Variants in CARHSP1 observed in about 807,000 individuals in gnomAD.
CARHSP1 encodes the protein calcium regulated heat stable protein 1, also known as calcium-regulated heat-stable protein 1.
In CARHSP1, 14 loss-of-function variants were observed where a neutral mutation model predicts 12.5. That is an observed-to-expected ratio of 1.12 (90% CI 0.74 to 1.75). The LOEUF is 1.75. Ranked by LOEUF, CARHSP1 falls within the 40% of genes most tolerant of loss-of-function variation. The pLI is 0.00. For missense variants in CARHSP1, 343 were observed against 201.6 expected (o/e 1.70, Z -4.25); for synonymous variants, 161 against 82.0 (o/e 1.96, Z -5.20).
intron 1 of CARHSP1, among the ~76,000 whole-genome samples, chr16:8,859,540 C>T (rs1330482730): frequency 1.3e-5 from 2 of 151,932 alleles, no homozygotes; most frequent in Admixed American, 1.3e-4. Flanking sequence ...CCCCCTCGAT[C>T]ATAGCTCTTC....
chr16:8,857,279 T>TTTTTTTTTTTTG (rs2061160165), intron 3 of CARHSP1, among the ~76,000 whole-genome samples: 2 of 119,838 alleles, frequency 1.7e-5, no homozygotes, highest in Non-Finnish European at 3.5e-5. Context: ...TTTTTTTTTT[T>TTTTTTTTTTTTG]TTTTTTTTTT....
chr16:8,866,460 G>A, intron 1 of CARHSP1: 4 of 985,268 alleles, frequency 4.1e-6, no homozygotes, highest in Non-Finnish European at 4.8e-6. Context: ...AACAGACAGA[G>A]ACACTGAGCT....
In CARHSP1 at chr16:8,859,214, C is replaced by T; in HGVS notation, c.115G>A (p.Val39Ile). The change falls in exon 2 of 4, where the codon GTC becomes ATC. Residue 39 changes from valine (V) to isoleucine (I), a missense_variant. Val to Ile is a conservative substitution (Grantham distance 29). Coordinates refer to ENST00000311052, the MANE Select transcript of CARHSP1 (RefSeq NM_014316.4). Reference protein sequence around the residue: ...RSPSPLRGNVVPSPLPTRRTR... With the variant: ...RSPSPLRGNVIPSPLPTRRTR... ...CGGCGAGTGGGCAGTGGGCTTGGGACCACGTTGCCCCGCAGAGGGGATGGT... is the reference window on the plus strand; with the variant it reads ...CGGCGAGTGGGCAGTGGGCTTGGGATCACGTTGCCCCGCAGAGGGGATGGT... The T allele has an allele frequency of 1.9e-6, 3 of 1,602,350 alleles. No homozygotes were observed. Among genetic ancestry groups the T allele is most frequent in the Non-Finnish European group, 1.7e-6 (2 of 1,176,102 alleles).
At chr16:8,864,017 G>A (rs2061414443) in intron 1 of CARHSP1, among the ~76,000 whole-genome samples, 1 of 152,180 alleles carries the variant, frequency 6.6e-6, no homozygotes, top group African/African-American at 2.4e-5. Flanking sequence ...GGGGAGGGAG[G>A]AAGGCTGCAA....
chr16:8,857,280 T>TTGTTTTTTG (rs1567181222), intron 3 of CARHSP1, among the ~76,000 whole-genome samples: 3 of 119,018 alleles, frequency 2.5e-5, no homozygotes, highest in Non-Finnish European at 3.6e-5. Flanking sequence ...TTTTTTTTTT[T>TTGTTTTTTG]TTTTTTTTTT....
At position 8,855,206 on chromosome 16, in the gene CARHSP1, G is replaced by C. The variant is rs962797665; in HGVS notation, c.402C>G (p.Gly134=). ...GTCCAGACCAGGTCTCATGCTTGGT[G>C]CCTGGTGCCAGGTGAGTGATGACGA... ...VEVVITHLAP[G]TKHETWSGHV... is the part of the protein sequence containing the mutation. Residue 134 remains glycine, a synonymous_variant, in exon 4 of 4, where the codon GGC becomes GGG. Coordinates refer to ENST00000311052, the MANE Select transcript of CARHSP1 (RefSeq NM_014316.4). The C allele has an allele frequency of 1.2e-6, 2 of 1,612,550 alleles. No homozygotes were observed. The highest frequency in any genetic ancestry group is 1.3e-5 in the African/African-American group (1 of 75,006).
intron 1 of CARHSP1, chr16:8,866,570 G>A: frequency 2.0e-6 from 1 of 511,200 alleles, no homozygotes; most frequent in Non-Finnish European, 2.5e-6. Context: ...AGATAGAAGG[G>A]TCCCTGGAAG....
At chr16:8,866,513 G>A (rs1317323611) in intron 1 of CARHSP1, 2 of 978,790 alleles carry the variant, frequency 2.0e-6, no homozygotes, top group African/African-American at 1.8e-5. Context: ...CAGCCTGGGA[G>A]AACTGCCGGC....
At chr16:8,865,886 C>T (rs778820432) in intron 1 of CARHSP1, among the ~76,000 whole-genome samples, 65 of 152,334 alleles carry the variant, frequency 4.3e-4, no homozygotes, top group Non-Finnish European at 7.1e-4. Flanking sequence ...AGTCAGGAAT[C>T]TCTGGGGATC....
At chr16:8,867,040 C>A (rs1168113198) in intron 1 of CARHSP1, among the ~76,000 whole-genome samples, 3 of 152,138 alleles carry the variant, frequency 2.0e-5, no homozygotes, top group East Asian at 1.9e-4. Context: ...CCTGGACGGC[C>A]TCGACCGGAC....
rs545062438 is a variant in CARHSP1 at position 8,858,966 on chromosome 16, G to C, written c.158+205C>G. The C allele has an allele frequency of 4.9e-4, 243 of 492,354 alleles. 3 individuals are homozygous for C. Among genetic ancestry groups the C allele is most frequent in the South Asian group, 4.6e-3 (116 of 25,448 alleles). The allele number at this position is 492,354 out of a possible 1,614,324, so 30.5% of individuals were successfully genotyped here. On this transcript the variant is annotated intron_variant, in intron 2 of 3. Transcript: ENST00000311052. The stretch of plus-strand genomic sequence containing the variant: ...TGCCCACCCATTGCCACTCCCAGCT[G>C]GTAACAGGTTCTTCTGGGCTGGGCA...
chr16:8,853,125 G>A lies in CARHSP1; in HGVS notation c.*2039C>T, dbSNP rs1209355139. ...GTCCCTTCCAGCTCTGACATCCTGC[G>A]GTTCTAGAATACCCATTGATTGAAA... On this transcript the variant is annotated 3_prime_UTR_variant, in exon 4 of 4. Transcript: ENST00000311052. The A allele has an allele frequency of 2.6e-5, 4 of 152,006 alleles. No homozygotes were observed. The highest frequency in any genetic ancestry group is 3.9e-4 in the East Asian group (2 of 5,168). 9.4% of individuals were successfully genotyped at this position (152,006 alleles called of 1,614,324 possible). A position where few individuals can be genotyped will look rare whatever the true frequency, so the allele number is the denominator to read the frequency against.
intron 3 of CARHSP1, among the ~76,000 whole-genome samples, chr16:8,856,671 C>T (rs577811631): frequency 1.3e-5 from 2 of 152,310 alleles, no homozygotes; most frequent in South Asian, 4.2e-4. Flanking sequence ...GTGGGCTCCT[C>T]TTTTCAGAAA....
intron 1 of CARHSP1, among the ~76,000 whole-genome samples, chr16:8,859,651 T>G (rs1190937168): frequency 1.3e-5 from 2 of 151,750 alleles, no homozygotes; most frequent in East Asian, 3.9e-4. Flanking sequence ...CACATAGTAT[T>G]TGTGGGAGGG....
In CARHSP1 at chr16:8,853,695, A is replaced by T. The variant is rs2061008389; in HGVS notation, c.*1469T>A. ...ACATATAGGTCATATATTTCAAAAA[A>T]TAATGCCTAGCTATTTCTACTTTGA... On this transcript the variant is annotated 3_prime_UTR_variant, in exon 4 of 4. Coordinates refer to ENST00000311052, the MANE Select transcript of CARHSP1 (RefSeq NM_014316.4). 6.6e-6 allele frequency: 1 copy of T among 152,250 alleles called. No homozygotes were observed. The highest frequency in any genetic ancestry group is 2.4e-5 in the African/African-American group (1 of 41,470). 9.4% of individuals were successfully genotyped at this position (152,250 alleles called of 1,614,324 possible).
At position 8,862,097 on chromosome 16, in the gene CARHSP1, G is replaced by C. The variant is rs2061374627; in HGVS notation, c.-7-2762C>G. ...GGCTCACTGCAACCTCCACCTTCTGGGTTCAAGTGATTCTCCTGCCTCAGC... is the reference window on the plus strand; with the variant it reads ...GGCTCACTGCAACCTCCACCTTCTGCGTTCAAGTGATTCTCCTGCCTCAGC... On this transcript the variant is annotated intron_variant, in intron 1 of 3. Coordinates refer to ENST00000311052, the MANE Select transcript of CARHSP1 (RefSeq NM_014316.4). Among the ~76,000 whole-genome samples, 3 of 147,574 alleles carry C rather than the reference G, an allele frequency of 2.0e-5. No individual in the cohort carries two copies. In the South Asian group the frequency reaches 6.6e-4, roughly 32 times the overall value.
chr16:8,866,424 T>C (rs1312002454), intron 1 of CARHSP1: 2 of 984,936 alleles, frequency 2.0e-6, no homozygotes, highest in Non-Finnish European at 2.4e-6. Flanking sequence ...GAAGTTACCT[T>C]AGTGCACCTG....
chr16:8,863,031 C>T (rs1051609707), intron 1 of CARHSP1, among the ~76,000 whole-genome samples: 1 of 151,792 alleles, frequency 6.6e-6, no homozygotes, highest in South Asian at 2.1e-4. Flanking sequence ...AGCACAGGGC[C>T]CCTCTGTGTC....
intron 1 of CARHSP1, among the ~76,000 whole-genome samples, chr16:8,864,683 C>T (rs2061426015): frequency 6.6e-6 from 1 of 152,210 alleles, no homozygotes; most frequent in African/African-American, 2.4e-5. Context: ...CTTCCCCAGT[C>T]AGCCCCCAGG....
Sources: gnomAD v4.1 joint callset for allele counts (sites outside exome capture counted in the v4.1 genomes callset) on GRCh38, gnomAD v4.1.1 for gene constraint, MANE v1.5 for transcripts, NCBI Gene and HGNC (gene_info 2026-07-23, HGNC 2026-07-21) for gene names.